Variants in NEK11 observed in about 807,000 individuals in gnomAD.
NEK11 encodes the protein NIMA related kinase 11.
A neutral mutation model predicts 80.7 loss-of-function variants in NEK11; 72 were observed. The ratio of observed to expected loss-of-function variants is 0.89; its 90% confidence interval spans 0.74 to 1.08. The LOEUF is 1.08. Ranked by LOEUF, NEK11 falls within the 50% of genes least tolerant of loss-of-function variation. The probability of loss-of-function intolerance (pLI) is 0.00; values close to 1 mark genes in which losing one functional copy is unlikely to be tolerated. For synonymous variants in NEK11, 251 were observed against 260.7 expected (o/e 0.96, Z 0.36); for missense variants, 764 against 763.6 (o/e 1.00, Z -0.01).
chr3:131,195,219 G>A (rs967108178), intron 14 of NEK11, among the ~76,000 whole-genome samples: 4 of 152,002 alleles, frequency 2.6e-5, no homozygotes, highest in African/African-American at 9.7e-5. Flanking sequence ...CTTTCACGTG[G>A]CCTATAAGGC....
At chr3:131,328,215 G>A (rs1300285195) in intron 17 of NEK11, among the ~76,000 whole-genome samples, 2 of 151,986 alleles carry the variant, frequency 1.3e-5, no homozygotes, top group Admixed American at 6.6e-5. Context: ...ACTTAAGCCT[G>A]GGAGGTCGAG....
At chr3:131,295,922 C>G (rs139700915) in intron 17 of NEK11, among the ~76,000 whole-genome samples, 12 of 152,052 alleles carry the variant, frequency 7.9e-5, no homozygotes, top group African/African-American at 2.7e-4. Flanking sequence ...TCACTGCAGC[C>G]CTGACCTCCT....
intron 4 of NEK11, among the ~76,000 whole-genome samples, chr3:131,097,111 C>A (rs1380749821): frequency 1.3e-5 from 2 of 151,748 alleles, no homozygotes; most frequent in Non-Finnish European, 2.9e-5. Context: ...ATATGTGCCA[C>A]ATTTTCTTAA....
intron 7 of NEK11, among the ~76,000 whole-genome samples, chr3:131,143,525 T>C (rs1335864495): frequency 6.6e-6 from 1 of 152,040 alleles, no homozygotes; most frequent in Non-Finnish European, 1.5e-5. Context: ...GTTCTGTAGC[T>C]GCTCTGTTTT....
At chr3:131,252,038 G>C (rs1296423356) in intron 16 of NEK11, among the ~76,000 whole-genome samples, 2 of 152,052 alleles carry the variant, frequency 1.3e-5, no homozygotes, top group Admixed American at 6.6e-5. Context: ...GTCTAACATT[G>C]CCCAGGTAGC....
intron 14 of NEK11, among the ~76,000 whole-genome samples, chr3:131,182,955 A>G (rs1274738549): frequency 6.6e-6 from 1 of 152,202 alleles, no homozygotes; most frequent in African/African-American, 2.4e-5. Flanking sequence ...CCACAAATCC[A>G]TTTTAAGATA....
intron 14 of NEK11, among the ~76,000 whole-genome samples, chr3:131,210,572 G>A (rs1274854661): frequency 1.3e-5 from 2 of 152,128 alleles, no homozygotes; most frequent in Non-Finnish European, 2.9e-5. Flanking sequence ...TGACAGTGGG[G>A]TGTTAAAGTC....
intron 4 of NEK11, among the ~76,000 whole-genome samples, chr3:131,104,141 G>C (rs2078814246): frequency 6.6e-6 from 1 of 152,160 alleles, no homozygotes; most frequent in South Asian, 2.1e-4. Flanking sequence ...TGTGCTATAG[G>C]CCTGCAACAA....
At chr3:131,334,056 C>G (rs998346348) in intron 17 of NEK11, among the ~76,000 whole-genome samples, 10 of 152,266 alleles carry the variant, frequency 6.6e-5, no homozygotes, top group African/African-American at 2.2e-4. Flanking sequence ...TTAGACAGAT[C>G]AATGAGACAG....
intron 16 of NEK11, among the ~76,000 whole-genome samples, chr3:131,244,387 C>G (rs2095565715): frequency 6.6e-6 from 1 of 152,036 alleles, no homozygotes; most frequent in African/African-American, 2.4e-5. Context: ...TTATTTGATG[C>G]ATTTAACATT....
chr3:131,283,787 A>G (rs947173900), intron 17 of NEK11, among the ~76,000 whole-genome samples: 1 of 152,210 alleles, frequency 6.6e-6, no homozygotes, highest in African/African-American at 2.4e-5. Flanking sequence ...GATTGAAATC[A>G]GCATTTCAAT....
chr3:131,254,506 G>A (rs146132117), intron 16 of NEK11, among the ~76,000 whole-genome samples: 4 of 152,240 alleles, frequency 2.6e-5, no homozygotes, highest in African/African-American at 7.2e-5. Flanking sequence ...TATTACCAAA[G>A]TTCTATGGAA....
At chr3:131,233,554 GAGA>G (rs1332439163) in intron 15 of NEK11, among the ~76,000 whole-genome samples, 1 of 152,172 alleles carries the variant, frequency 6.6e-6, no homozygotes, top group Non-Finnish European at 1.5e-5. Flanking sequence ...AGAGATAAAG[GAGA>G]AGGTGAAGGT....
At chr3:131,220,069 CA>C (rs1342504817) in intron 14 of NEK11, among the ~76,000 whole-genome samples, 1 of 152,186 alleles carries the variant, frequency 6.6e-6, no homozygotes, top group Admixed American at 6.5e-5. Flanking sequence ...TCAGAAGCAG[CA>C]GATGTCACCA....
intron 13 of NEK11, 67 bp from the exon 14 acceptor site, chr3:131,170,706 T>G (rs112964432): frequency 2.1e-6 from 2 of 961,416 alleles, no homozygotes; most frequent in Admixed American, 1.7e-5. Context: ...AAGAATATTT[T>G]TTTCATTTGT....
At chr3:131,265,911 A>G (rs958057794) in intron 16 of NEK11, among the ~76,000 whole-genome samples, 2 of 152,186 alleles carry the variant, frequency 1.3e-5, no homozygotes, top group African/African-American at 4.8e-5. Context: ...TGGTCTATTC[A>G]GGGATTTAAC....
intron 3 of NEK11, among the ~76,000 whole-genome samples, chr3:131,054,860 T>A (rs1283457228): frequency 6.6e-6 from 1 of 152,004 alleles, no homozygotes; most frequent in Non-Finnish European, 1.5e-5. Context: ...ATCATTTAGG[T>A]TGATGGTTGT....
At chr3:131,346,094 G>T (rs1183626608) in intron 17 of NEK11, among the ~76,000 whole-genome samples, 1 of 152,106 alleles carries the variant, frequency 6.6e-6, no homozygotes, top group Non-Finnish European at 1.5e-5. Context: ...AGATACGTAG[G>T]ATGGACAAGT....
chr3:131,268,119 C>T lies in NEK11; in HGVS notation c.1622-5359C>T, dbSNP rs138245728. On this transcript the variant is annotated intron_variant, in intron 16 of 17. Transcript: ENST00000383366. Reference sequence around the variant, plus strand: ...CTCGTGCTGTGTTTTTCAACTCCATCAGGTCATTTATGTTCTTCTCTAAAC... The same window carrying T: ...CTCGTGCTGTGTTTTTCAACTCCATTAGGTCATTTATGTTCTTCTCTAAAC... Among the ~76,000 whole-genome samples, 881 of 152,314 alleles carry T rather than the reference C, an allele frequency of 5.8e-3. 3 individuals carry two copies. The highest frequency in any genetic ancestry group is 9.7e-3 in the Non-Finnish European group (659 of 68,032).
Sources: allele counts gnomAD v4.1 joint callset (sites outside exome capture counted in the v4.1 genomes callset), GRCh38; gene constraint gnomAD v4.1.1; transcripts MANE v1.5; gene names NCBI Gene and HGNC (gene_info 2026-07-23, HGNC 2026-07-21).